Variants in KIF19 observed in about 807,000 individuals in gnomAD.
KIF19 encodes kinesin family member 19, also known as kinesin-like protein KIF19.
A neutral mutation model predicts 106.6 loss-of-function variants in KIF19; 98 were observed. That is an observed-to-expected ratio of 0.92 (90% CI 0.78 to 1.09). The LOEUF is 1.09. Among genes scored for constraint, KIF19 ranks in the 50% least tolerant of loss-of-function variants. KIF19 has a pLI of 0.00. For synonymous variants in KIF19, 516 were observed against 584.2 expected (o/e 0.88, Z 1.68); for missense variants, 1,373 against 1,414.3 (o/e 0.97, Z 0.47).
chr17:74,349,794 A>G (rs577363998), intron 10 of KIF19, among the ~76,000 whole-genome samples: 1 of 127,610 alleles, frequency 7.8e-6, no homozygotes, highest in South Asian at 2.5e-4. Flanking sequence ...AGAGGCAGAC[A>G]GTAAAGATTT....
At position 74,355,649 on chromosome 17, in the gene KIF19, C is replaced by CTCCTGGCCCACGTGTGGGGCACGGGCA. The variant is rs2054864482; in HGVS notation, c.*344_*370dup. 4.6e-6 allele frequency: 1 copy of CTCCTGGCCCACGTGTGGGGCACGGGCA among 219,134 alleles called. No individual in the cohort carries two copies. Among genetic ancestry groups the CTCCTGGCCCACGTGTGGGGCACGGGCA allele is most frequent in the African/African-American group, 2.3e-5 (1 of 44,322 alleles). The allele number at this position is 219,134 out of a possible 1,614,324, so 13.6% of individuals were successfully genotyped here. ...GAAAGCAGCTGACAGTGAGACGGGG[C>CTCCTGGCCCACGTGTGGGGCACGGGCA]TCCTGGCCCACGTGTGGGGCACGGG... On this transcript the variant is annotated 3_prime_UTR_variant, in exon 20 of 20. Transcript: ENST00000389916.
chr17:74,354,154 C>A lies in KIF19; in HGVS notation c.2309-8C>A. Reference sequence around the variant, plus strand: ...CTCGGGTTGTATGTTCCCCGTGTCCCGCTGCAGAGAGGAAGGAGATCCTGA... The same window carrying A: ...CTCGGGTTGTATGTTCCCCGTGTCCAGCTGCAGAGAGGAAGGAGATCCTGA... On this transcript the variant is annotated splice_region_variant and splice_polypyrimidine_tract_variant and intron_variant, in intron 17 of 19. Coordinates refer to ENST00000389916, the MANE Select transcript of KIF19 (RefSeq NM_153209.4). The A allele has an allele frequency of 6.3e-7, 1 of 1,598,476 alleles. No homozygotes were observed. The highest frequency in any genetic ancestry group is 8.5e-7 in the Non-Finnish European group (1 of 1,174,602).
intron 8 of KIF19, 63 bp from the exon 9 acceptor site, chr17:74,347,714 C>T: frequency 6.5e-7 from 1 of 1,549,820 alleles, no homozygotes; most frequent in East Asian, 2.4e-5. Flanking sequence ...GCATCGTGAA[C>T]AGCCTGGCAG....
Position 74,328,430 on chromosome 17 carries a change from G to A in KIF19, c.45G>A (p.Ala15=), listed in dbSNP as rs746362776. 25 of 1,607,246 alleles carry A rather than the reference G, an allele frequency of 1.6e-5. No homozygotes were observed. In the East Asian group the frequency reaches 1.8e-4, roughly 11 times the overall value. The change falls in exon 2 of 20, where the codon GCG becomes GCA. Residue 15 remains alanine (A), a synonymous_variant. Transcript: ENST00000389916. ...GGCTTGGTTTTCCCTCCCAGGTGGC[G>A]CTTCGGGTCCGGCCCATCAGCGTGG... ...GDSKDQQLMV[A]LRVRPISVAE...
intron 14 of KIF19, 32 bp downstream of exon 14, chr17:74,352,372 G>T (rs1598399228): frequency 6.3e-7 from 1 of 1,586,698 alleles, no homozygotes; most frequent in Non-Finnish European, 8.6e-7. Context: ...CTGAACATGG[G>T]CACATGTGCC....
intron 2 of KIF19, chr17:74,328,802 C>G (rs895544386): frequency 4.3e-5 from 13 of 304,836 alleles, no homozygotes; most frequent in African/African-American, 2.6e-4. Context: ...CTGCTGCCCA[C>G]AGAGCACATA....
rs372448892 is a variant in KIF19, at chr17:74,354,218, C to T, written c.2365C>T (p.Arg789Cys). The T allele has an allele frequency of 3.2e-5, 52 of 1,609,082 alleles. No homozygotes were observed. The highest frequency in any genetic ancestry group is 8.8e-5 in the South Asian group (8 of 90,982). Residue 789 changes from arginine (R) to cysteine (C), a missense_variant, in exon 18 of 20, where the codon CGC (arginine) becomes TGC (cysteine). Physicochemically the swap from Arg to Cys is radical, Grantham distance 180. Transcript: ENST00000389916. ...KCIWVKAARR[R>C]SRALGTEGRH... ...CATCTGGGTGAAGGCCGCCCGGCGGCGCTCGCGGGCCCTGGGAACCGAGGG... is the reference window on the plus strand; with the variant it reads ...CATCTGGGTGAAGGCCGCCCGGCGGTGCTCGCGGGCCCTGGGAACCGAGGG...
At position 74,352,857 on chromosome 17, in the gene KIF19, T is replaced by C. The variant is rs1372610566; in HGVS notation, c.2017T>C (p.Ser673Pro). 3 of 1,613,944 alleles carry C rather than the reference T, an allele frequency of 1.9e-6. No homozygotes were observed. The Admixed American group carries it at 5.0e-5, about 27-fold the overall frequency. Reference sequence around the variant, plus strand: ...GCCCAAAATTACCCCAGCAGGAACCTCACTGACCCCAGATTCTGACCTGGA... The same window carrying C: ...GCCCAAAATTACCCCAGCAGGAACCCCACTGACCCCAGATTCTGACCTGGA... ...SLPKITPAGT[S>P]LTPDSDLESV... Residue 673 changes from serine to proline, a missense_variant, in exon 15 of 20, where the codon TCA becomes CCA. Around this residue, in one of 3 missense-constraint regions of KIF19, gnomAD observed 1,020 missense variants for 1,008.2 expected, o/e 1.01. Coordinates refer to ENST00000389916, the MANE Select transcript of KIF19 (RefSeq NM_153209.4).
chr17:74,326,300 G>T lies in KIF19; in HGVS notation c.-50G>T. ...GCGACCCGGAGGCGGTGGGGGTGCG[G>T]CTGAGCCATGCCCGGTGGCGCGGCC... On this transcript the variant is annotated 5_prime_UTR_variant, in exon 1 of 20. Transcript: ENST00000389916. 6.3e-7 allele frequency: 1 copy of T among 1,577,172 alleles called. No homozygotes were observed.
In KIF19 at chr17:74,354,534, G is replaced by C. The variant is rs536473423; in HGVS notation, c.2681G>C (p.Arg894Pro). ...LEAKRRKRRSRSFEVTGQGLS... is the reference protein window; with the variant it reads ...LEAKRRKRRSPSFEVTGQGLS... ...GCAAAGAGAAGGAAGCGGAGGTCCC[G>C]ATCCTTCGAGGTCACCGGGCAAGGG... Residue 894 changes from arginine (R) to proline (P), a missense_variant, in exon 18 of 20, where the codon CGA becomes CCA. Around this residue, in one of 3 missense-constraint regions of KIF19, gnomAD observed 1,020 missense variants for 1,008.2 expected, o/e 1.01. Transcript: ENST00000389916. 4 of 1,599,106 alleles carry C rather than the reference G, an allele frequency of 2.5e-6. No individual in the cohort carries two copies. Among genetic ancestry groups the C allele is most frequent in the Admixed American group, 1.7e-5 (1 of 57,674 alleles).
chr17:74,328,599 C>A, intron 2 of KIF19, 94 bp downstream of exon 2: 1 of 970,942 alleles, frequency 1.0e-6, no homozygotes, highest in Non-Finnish European at 1.6e-6. Flanking sequence ...CTGTGGCTTG[C>A]AGCACCCTCC....
At chr17:74,340,995 G>A (rs1467081326) in intron 2 of KIF19, among the ~76,000 whole-genome samples, 4 of 152,214 alleles carry the variant, frequency 2.6e-5, no homozygotes, top group African/African-American at 9.6e-5. Context: ...TCTGTAAGGT[G>A]GGAGTCATAG....
At chr17:74,345,161 C>T (rs374205879) in intron 7 of KIF19, among the ~76,000 whole-genome samples, 1 of 152,002 alleles carries the variant, frequency 6.6e-6, no homozygotes, top group Non-Finnish European at 1.5e-5. Flanking sequence ...TGAGTGGAGA[C>T]CCCCGGGTTA....
At chr17:74,342,281 G>A (rs1220885545) in intron 3 of KIF19, among the ~76,000 whole-genome samples, 2 of 152,232 alleles carry the variant, frequency 1.3e-5, no homozygotes, top group Non-Finnish European at 2.9e-5. Context: ...GTGTGGGGAG[G>A]ACAGGGGCAG....
chr17:74,348,485 C>T (rs1289393693), intron 9 of KIF19: 2 of 160,546 alleles, frequency 1.2e-5, no homozygotes, highest in African/African-American at 2.4e-5. Context: ...TCCATTTCCA[C>T]CTGTTCGTGT....
At position 74,336,048 on chromosome 17, in the gene KIF19, G is replaced by C. The variant is rs2054213355; in HGVS notation, c.121-5828G>C. On this transcript the variant is annotated intron_variant, in intron 2 of 19. Coordinates refer to ENST00000389916, the MANE Select transcript of KIF19 (RefSeq NM_153209.4). ...TGGCAGCAGGGAAGGGTTTGCTCCA[G>C]GCCTCTCTCCTTGGCTTTATGCTTA... Among the ~76,000 whole-genome samples the C allele has an allele frequency of 2.6e-5, 4 of 152,186 alleles. No homozygotes were observed. In the South Asian group the frequency reaches 8.3e-4, roughly 32 times the overall value.
At chr17:74,343,000 A>AC (rs1206743466) in intron 4 of KIF19, 24 bp from the exon 5 acceptor site, 1 of 1,545,658 alleles carries the variant, frequency 6.5e-7, no homozygotes, top group East Asian at 2.4e-5. Context: ...CACCCCGGTC[A>AC]CCCTCCACCT....
chr17:74,346,397 G>C lies in KIF19; in HGVS notation c.797G>C (p.Arg266Pro). The C allele has an allele frequency of 6.3e-7, 1 of 1,576,084 alleles. No homozygotes were observed. Among genetic ancestry groups the C allele is most frequent in the Non-Finnish European group, 8.6e-7 (1 of 1,161,148 alleles). The change falls in exon 8 of 20, where the codon CGT (arginine) becomes CCT (proline). Residue 266 changes from arginine to proline, a missense_variant. Arg to Pro is a moderately radical substitution (Grantham distance 103). Around this residue, in one of 3 missense-constraint regions of KIF19, gnomAD observed 348 missense variants for 389.5 expected, o/e 0.89. Transcript: ENST00000389916. The surrounding 1 kb of genome is among the most constrained non-coding windows in gnomAD (Gnocchi z 4.6). ...RASQTQNRGQ[R>P]MKEGAHINRS... ...CCCTAGACACAGAATCGTGGGCAGC[G>C]TATGAAGGAGGGGGCCCACATCAAC...
In KIF19 at chr17:74,353,535, C is replaced by G; in HGVS notation, c.2262C>G (p.Ser754=). Reference sequence around the variant, plus strand: ...GCCTGGGCAGCTGGATCAACTCTTCCCCTGACAGCAGTGAGAACCTGTCGG... The same window carrying G: ...GCCTGGGCAGCTGGATCAACTCTTCGCCTGACAGCAGTGAGAACCTGTCGG... ...QDSLGSWINS[S]PDSSENLSEI... The change falls in exon 17 of 20, where the codon TCC becomes TCG. Residue 754 remains serine (S), a synonymous_variant. Coordinates refer to ENST00000389916, the MANE Select transcript of KIF19 (RefSeq NM_153209.4). 2 of 1,613,884 alleles carry G rather than the reference C, an allele frequency of 1.2e-6. No individual in the cohort carries two copies. Among genetic ancestry groups the G allele is most frequent in the Non-Finnish European group, 1.7e-6 (2 of 1,179,894 alleles).
Sources: gnomAD v4.1 joint callset for allele counts (sites outside exome capture counted in the v4.1 genomes callset) on GRCh38, gnomAD v4.1.1 for gene constraint, gnomAD v4.1.1 regional missense constraint, Gnocchi (gnomAD v3.1) non-coding constraint, MANE v1.5 for transcripts, NCBI Gene and HGNC (gene_info 2026-07-23, HGNC 2026-07-21) for gene names.